The following ENOX1 variants were observed in gnomAD, a reference collection of about 807,000 sequenced individuals.
The protein encoded by ENOX1 is candidate growth-related and time keeping constitutive hydroquinone (NADH) oxidase.
A neutral mutation model predicts 82.5 loss-of-function variants in ENOX1; 42 were observed. The observed-to-expected ratio is 0.51, with a 90% CI of 0.40 to 0.66. The LOEUF is 0.66. ENOX1 is among the 30% of genes least tolerant of loss of function. The pLI, the probability that ENOX1 is intolerant of heterozygous loss-of-function variation, is 0.00. For synonymous variants in ENOX1, 271 were observed against 282.2 expected (o/e 0.96, Z 0.40); for missense variants, 608 against 811.6 (o/e 0.75, Z 3.05).
At chr13:43,615,927 CT>C (rs1169297315) in intron 2 of ENOX1, among the ~76,000 whole-genome samples, 6 of 151,208 alleles carry the variant, frequency 4.0e-5, no homozygotes, top group African/African-American at 1.2e-4. Flanking sequence ...TGAACTCGTC[CT>C]TTTTTTGTGG....
intron 12 of ENOX1, among the ~76,000 whole-genome samples, chr13:43,287,063 A>ACTC (rs2045738704): frequency 6.6e-6 from 1 of 151,872 alleles, no homozygotes; most frequent in South Asian, 2.1e-4. Context: ...TGCAGTTCTG[A>ACTC]CTCTACATGG....
At chr13:43,699,718 G>A (rs995682441) in intron 1 of ENOX1, among the ~76,000 whole-genome samples, 3 of 152,184 alleles carry the variant, frequency 2.0e-5, no homozygotes, top group Non-Finnish European at 4.4e-5. Flanking sequence ...TAATACTTGT[G>A]CAGAGAAGAA....
At chr13:43,564,813 G>A (rs577835920) in intron 2 of ENOX1, among the ~76,000 whole-genome samples, 1 of 152,248 alleles carries the variant, frequency 6.6e-6, no homozygotes, top group African/African-American at 2.4e-5. Flanking sequence ...GTCCAGGATG[G>A]AGGGCTTTCC....
intron 2 of ENOX1, among the ~76,000 whole-genome samples, chr13:43,526,276 GC>G (rs1233115509): frequency 6.6e-6 from 1 of 152,084 alleles, no homozygotes; most frequent in Non-Finnish European, 1.5e-5. Flanking sequence ...GAATTAACTA[GC>G]TTTATTAAAG....
chr13:43,459,093 T>C (rs1196190014), intron 3 of ENOX1: 2 of 152,232 alleles, frequency 1.3e-5, no homozygotes, highest in African/African-American at 4.8e-5. Flanking sequence ...CTCCCTCCTA[T>C]AGCAGCATAC....
At chr13:43,270,207 T>C (rs1038771674) in intron 12 of ENOX1, among the ~76,000 whole-genome samples, 1 of 152,186 alleles carries the variant, frequency 6.6e-6, no homozygotes, top group Non-Finnish European at 1.5e-5. Context: ...CTATCAACTG[T>C]AACTCATGTG....
At chr13:43,735,391 C>T (rs1309939054) in intron 1 of ENOX1, among the ~76,000 whole-genome samples, 1 of 152,044 alleles carries the variant, frequency 6.6e-6, no homozygotes, top group African/African-American at 2.4e-5. Context: ...TTAATTAATA[C>T]GACTACTTGT....
chr13:43,366,298 T>C (rs9525761), intron 5 of ENOX1, among the ~76,000 whole-genome samples: 151,979 of 151,984 alleles, frequency 1, 75,987 homozygotes, highest in Middle Eastern at 1. Context: ...TTTTTTGACA[T>C]GAGTGTTGCA....
intron 16 of ENOX1, among the ~76,000 whole-genome samples, 177 bp downstream of exon 16, chr13:43,223,876 A>G (rs960154394): frequency 2.0e-5 from 3 of 152,182 alleles, no homozygotes; most frequent in Non-Finnish European, 4.4e-5. Context: ...CAAAGACAAA[A>G]GCAAGCAAAA....
intron 1 of ENOX1, among the ~76,000 whole-genome samples, chr13:43,703,177 G>GCA (rs1328623358): frequency 6.6e-6 from 1 of 151,980 alleles, no homozygotes; most frequent in African/African-American, 2.4e-5. Flanking sequence ...ATAGTACCAG[G>GCA]CACAGACTAA....
At chr13:43,579,020 G>A (rs1854477) in intron 2 of ENOX1, among the ~76,000 whole-genome samples, 83,789 of 150,792 alleles carry the variant, frequency 0.56, 23,618 homozygotes, top group Non-Finnish European at 0.63. Context: ...TTTTCCTTCT[G>A]CTTGTGTGGC....
chr13:43,739,350 C>A (rs2089786769), intron 1 of ENOX1, among the ~76,000 whole-genome samples: 1 of 152,076 alleles, frequency 6.6e-6, no homozygotes, highest in Admixed American at 6.6e-5. Context: ...GAGTTCAAGA[C>A]CAGCCTTGGC....
chr13:43,248,000 C>G (rs1310970156), intron 14 of ENOX1, among the ~76,000 whole-genome samples: 1 of 143,028 alleles, frequency 7.0e-6, no homozygotes, highest in Non-Finnish European at 1.5e-5. Context: ...ATTCTCCTGC[C>G]TCAGCCTCCC....
chr13:43,676,382 A>G (rs537246505), intron 1 of ENOX1, among the ~76,000 whole-genome samples: 43 of 152,332 alleles, frequency 2.8e-4, no homozygotes, highest in South Asian at 1.2e-3. Context: ...CACTTTGTTT[A>G]GTCTGTATAC....
At chr13:43,576,204 G>T (rs2080414495) in intron 2 of ENOX1, among the ~76,000 whole-genome samples, 1 of 152,156 alleles carries the variant, frequency 6.6e-6, no homozygotes, top group African/African-American at 2.4e-5. Flanking sequence ...ACAGACTGTT[G>T]TAATAGGACA....
intron 3 of ENOX1, among the ~76,000 whole-genome samples, chr13:43,452,353 T>C (rs4941460): frequency 0.41 from 62,385 of 151,996 alleles, 13,633 homozygotes; most frequent in Non-Finnish European, 0.5. Flanking sequence ...CTCCCACTTA[T>C]GAGTAAAAAC....
At chr13:43,574,224 A>C (rs762552707) in intron 2 of ENOX1, among the ~76,000 whole-genome samples, 4 of 152,222 alleles carry the variant, frequency 2.6e-5, no homozygotes, top group Admixed American at 1.3e-4. Flanking sequence ...TGCTATTTAA[A>C]ATGTAATAAT....
chr13:43,647,464 T>C (rs2083948206), intron 2 of ENOX1, among the ~76,000 whole-genome samples: 1 of 152,206 alleles, frequency 6.6e-6, no homozygotes, highest in African/African-American at 2.4e-5. Flanking sequence ...AGGGTCTCCA[T>C]ATCCAACCCT....
At chr13:43,429,029 A>G (rs1463290430) in intron 3 of ENOX1, among the ~76,000 whole-genome samples, 3 of 152,160 alleles carry the variant, frequency 2.0e-5, no homozygotes, top group Non-Finnish European at 4.4e-5. Context: ...TGAAACCCTG[A>G]GAACTGATCT....
Sources: allele counts gnomAD v4.1 joint callset (sites outside exome capture counted in the v4.1 genomes callset), GRCh38; gene constraint gnomAD v4.1.1; transcripts MANE v1.5; gene names NCBI Gene and HGNC (gene_info 2026-07-23, HGNC 2026-07-21).